PTPRN2: variants seen among roughly 807,000 people sequenced by gnomAD.
The protein encoded by PTPRN2 is protein tyrosine phosphatase receptor type N2.
In PTPRN2, 74 loss-of-function variants were observed where a neutral mutation model predicts 118.8. The ratio of observed to expected loss-of-function variants is 0.62; its 90% CI spans 0.52 to 0.76. The LOEUF is 0.76. PTPRN2 is among the 30% of genes least tolerant of loss of function. PTPRN2 has a pLI of 0.00. For synonymous variants in PTPRN2, 641 were observed against 608.0 expected (o/e 1.05, Z -0.80); for missense variants, 1,481 against 1,394.4 (o/e 1.06, Z -0.99).
In PTPRN2 at chr7:157,940,684, AGACACTGCAAATCTAACGCCCCCCCGT is replaced by A. The variant is rs1233819455; in HGVS notation, c.1724-41974_1724-41948del. 1.5e-3 allele frequency among the ~76,000 whole-genome samples: 191 copies of A among 123,244 alleles called. 8 individuals are homozygous for A. The South Asian group carries it at 0.036, about 23-fold the overall frequency. 80.9% of individuals were successfully genotyped at this position (123,244 alleles called of 152,430 possible). On this transcript the variant is annotated intron_variant, in intron 11 of 22. Transcript: ENST00000389418. Reference sequence around the variant, plus strand: ...ACTGCAAATCTAACACTCTCCCCGAAGACACTGCAAATCTAACGCCCCCCCGTGACACTGCAAATCTAACGCCCTGCC... The same window carrying A: ...ACTGCAAATCTAACACTCTCCCCGAAGACACTGCAAATCTAACGCCCTGCC...
intron 2 of PTPRN2, among the ~76,000 whole-genome samples, chr7:158,454,458 ACGG>A (rs1316465097): frequency 2.1e-4 from 32 of 149,126 alleles, no homozygotes; most frequent in South Asian, 1.3e-3. Context: ...AGGATTGGGG[ACGG>A]TTGCTACAGA....
At chr7:158,175,458 G>T (rs1054269175) in intron 5 of PTPRN2, among the ~76,000 whole-genome samples, 3 of 152,112 alleles carry the variant, frequency 2.0e-5, no homozygotes, top group Non-Finnish European at 2.9e-5. Context: ...CTCTCTCTGT[G>T]TCTCTGTCTC....
chr7:158,150,533 C>G (rs965571822), intron 6 of PTPRN2, among the ~76,000 whole-genome samples: 4 of 152,150 alleles, frequency 2.6e-5, no homozygotes, highest in Admixed American at 6.5e-5. Context: ...CCAGTATTCA[C>G]CAGCTCCTGG....
chr7:158,102,746 T>TAAGATGCAAGTGTGCACTTGCACAC (rs1346039092), intron 10 of PTPRN2, among the ~76,000 whole-genome samples: 31 of 151,976 alleles, frequency 2.0e-4, no homozygotes, highest in African/African-American at 7.0e-4. Flanking sequence ...CACTTGCACT[T>TAAGATGCAAGTGTGCACTTGCACAC]AAGATGCAAG....
At chr7:157,570,424 C>T (rs892148044) in intron 20 of PTPRN2, among the ~76,000 whole-genome samples, 2 of 152,250 alleles carry the variant, frequency 1.3e-5, no homozygotes, top group Non-Finnish European at 2.9e-5. Context: ...ACAAAACACA[C>T]ATGCTTCTTG....
chr7:158,516,414 G>T (rs1823564418), intron 1 of PTPRN2, among the ~76,000 whole-genome samples: 1 of 152,226 alleles, frequency 6.6e-6, no homozygotes, highest in South Asian at 2.1e-4. Flanking sequence ...AGGCACAAAG[G>T]TGCTTTCCCC....
Position 157,714,733 on chromosome 7 carries a change from C to G in PTPRN2, c.1789-31796G>C, listed in dbSNP as rs573533745. 5.7e-4 allele frequency among the ~76,000 whole-genome samples: 87 copies of G among 152,152 alleles called. 1 individual carries two copies. The highest frequency in any genetic ancestry group is 2.0e-3 in the African/African-American group (82 of 41,502). ...TCTCCTGAGCCGATTTTGGGTTTCCCGTTTTCTAAAGCCAGCTCCCCAGGG... is the reference window on the plus strand; with the variant it reads ...TCTCCTGAGCCGATTTTGGGTTTCCGGTTTTCTAAAGCCAGCTCCCCAGGG... On this transcript the variant is annotated intron_variant, in intron 12 of 22. Coordinates refer to ENST00000389418, the MANE Select transcript of PTPRN2 (RefSeq NM_002847.5).
At chr7:158,304,316 GCAT>G (rs1801113850) in intron 3 of PTPRN2, among the ~76,000 whole-genome samples, 1 of 149,480 alleles carries the variant, frequency 6.7e-6, no homozygotes, top group East Asian at 2.0e-4. Context: ...TGCTAGGGAG[GCAT>G]CAGACACCCG....
intron 13 of PTPRN2, among the ~76,000 whole-genome samples, chr7:157,666,515 A>G (rs1273709631): frequency 6.7e-6 from 1 of 149,572 alleles, no homozygotes; most frequent in African/African-American, 2.5e-5. Flanking sequence ...AAAAAAAAAA[A>G]CCCCACAGTA....
chr7:157,813,095 G>T lies in PTPRN2; in HGVS notation c.1788+85578C>A, dbSNP rs1008329043. ...GTGACACGTGCCGTGTATCTGCAAA[G>T]ACCTGTGCCGTGCTAAAACCACACG... is the stretch of plus-strand genomic sequence containing the variant. On this transcript the variant is annotated intron_variant, in intron 12 of 22. Coordinates refer to ENST00000389418, the MANE Select transcript of PTPRN2 (RefSeq NM_002847.5). The surrounding 1 kb of genome is among the most constrained non-coding windows in gnomAD (Gnocchi z 4.7). 2.6e-5 allele frequency among the ~76,000 whole-genome samples: 4 copies of T among 152,142 alleles called. No homozygotes were observed. The highest frequency in any genetic ancestry group is 9.7e-5 in the African/African-American group (4 of 41,404).
At chr7:157,716,053 C>T (rs1798886820) in intron 12 of PTPRN2, among the ~76,000 whole-genome samples, 2 of 152,258 alleles carry the variant, frequency 1.3e-5, no homozygotes, top group Admixed American at 1.3e-4. Context: ...TTTGAGAAGC[C>T]CACGTGGGAC....
At chr7:158,542,067 G>C (rs1826017038) in intron 1 of PTPRN2, among the ~76,000 whole-genome samples, 1 of 152,250 alleles carries the variant, frequency 6.6e-6, no homozygotes, top group African/African-American at 2.4e-5. Context: ...TCTGGCTTGA[G>C]TTACAGTCTT....
chr7:157,835,516 G>A (rs1807872826), intron 12 of PTPRN2, among the ~76,000 whole-genome samples: 2 of 152,154 alleles, frequency 1.3e-5, no homozygotes, highest in African/African-American at 4.8e-5. Context: ...AGAGACGTAC[G>A]GCACAGGAAA....
At chr7:158,177,817 A>AG (rs1367399691) in intron 5 of PTPRN2, among the ~76,000 whole-genome samples, 2 of 152,228 alleles carry the variant, frequency 1.3e-5, no homozygotes, top group Non-Finnish European at 2.9e-5. Flanking sequence ...TTACTATGAA[A>AG]GCTACCATGA....
chr7:158,262,232 A>G (rs1266658555), intron 3 of PTPRN2, among the ~76,000 whole-genome samples: 1 of 152,190 alleles, frequency 6.6e-6, no homozygotes, highest in East Asian at 1.9e-4. Context: ...ACTTGCATGG[A>G]CACACAGGCA....
intron 12 of PTPRN2, among the ~76,000 whole-genome samples, chr7:157,684,384 A>G (rs1585233646): frequency 1.0e-5 from 1 of 95,850 alleles, no homozygotes; most frequent in Non-Finnish European, 2.1e-5. Context: ...GGAAAGGGGG[A>G]GGGAGAGGGA....
In PTPRN2 at chr7:157,551,786, C is replaced by T. The variant is rs555319049; in HGVS notation, c.2903-2767G>A. Among the ~76,000 whole-genome samples, 1,137 of 144,358 alleles carry T rather than the reference C, an allele frequency of 7.9e-3. 16 individuals are homozygous for T. Among genetic ancestry groups the T allele is most frequent in the African/African-American group, 0.028 (1,066 of 38,032 alleles). The allele number at this position is 144,358 out of a possible 152,430, so 94.7% of individuals were successfully genotyped here. A position where few individuals can be genotyped will look rare whatever the true frequency, so the allele number is the denominator to read the frequency against. On this transcript the variant is annotated intron_variant, in intron 21 of 22. Transcript: ENST00000389418. ...GCCACCATGCACCCCACAGCCAGCA[C>T]GCACCCCACAGCCACCACGCACCCC...
At chr7:158,083,464 G>A (rs1236053417) in intron 10 of PTPRN2, among the ~76,000 whole-genome samples, 6 of 152,264 alleles carry the variant, frequency 3.9e-5, no homozygotes, top group Non-Finnish European at 8.8e-5. Flanking sequence ...AGATGGGACT[G>A]GAATATCCTA....
chr7:157,742,205 T>C (rs1178287424), intron 12 of PTPRN2, among the ~76,000 whole-genome samples: 1 of 152,220 alleles, frequency 6.6e-6, no homozygotes, highest in Non-Finnish European at 1.5e-5. Flanking sequence ...TCGAGGGCTT[T>C]TGCATATGTA....
Sources: allele counts gnomAD v4.1 joint callset (sites outside exome capture counted in the v4.1 genomes callset), GRCh38; gene constraint gnomAD v4.1.1; non-coding constraint Gnocchi (gnomAD v3.1); transcripts MANE v1.5; gene names NCBI Gene and HGNC (gene_info 2026-07-23, HGNC 2026-07-21).